LRGUK: variants seen among roughly 807,000 people sequenced by gnomAD.
LRGUK encodes leucine-rich repeat and guanylate kinase domain-containing protein.
Under a neutral mutation model 76.0 loss-of-function variants are expected in LRGUK, and 65 were observed. The ratio of observed to expected loss-of-function variants is 0.85; its 90% CI spans 0.70 to 1.05. LRGUK has a LOEUF of 1.05. Among genes scored for constraint, LRGUK ranks in the 50% least tolerant of loss-of-function variants. The pLI is 0.00. For missense variants in LRGUK, 758 were observed against 732.8 expected (o/e 1.03, Z -0.40); for synonymous variants, 268 against 265.6 (o/e 1.01, Z -0.09).
At chr7:134,274,104 A>C in the LRGUK span, among the ~76,000 whole-genome samples, 1 of 152,210 alleles carries the variant, frequency 6.6e-6, no homozygotes, top group African/African-American at 2.4e-5. Context: ...TTCGTCCACT[A>C]TGGTGGCCAC....
In LRGUK at chr7:134,202,931, G is replaced by A. The variant is rs566213920; in HGVS notation, c.1843+1355G>A. ...TTAAAAATGGTTAAGATGGCCGGGC[G>A]TGGTGGCTCATGCCTCTAATCCCAG... is the stretch of plus-strand genomic sequence containing the variant. On this transcript the variant is annotated intron_variant, in intron 15 of 15. Coordinates refer to ENST00000645682, the Ensembl canonical transcript of LRGUK. Among the ~76,000 whole-genome samples, 180 of 152,284 alleles carry A rather than the reference G, an allele frequency of 1.2e-3. 2 individuals are homozygous for A. Among genetic ancestry groups the A allele is most frequent in the Non-Finnish European group, 7.8e-4 (53 of 68,026 alleles).
chr7:134,158,464 T>C (rs995404687), intron 6 of LRGUK, among the ~76,000 whole-genome samples: 1 of 152,226 alleles, frequency 6.6e-6, no homozygotes, highest in African/African-American at 2.4e-5. Context: ...TTAGTATGTA[T>C]TTAAAAATAT....
At chr7:134,232,620 A>G (rs535863061) in intron 16 of LRGUK, among the ~76,000 whole-genome samples, 6 of 152,304 alleles carry the variant, frequency 3.9e-5, no homozygotes, top group Non-Finnish European at 8.8e-5. Context: ...TTCCTCTAGA[A>G]CCTAAATAAT....
At chr7:134,181,842 A>C (rs1274931224) in intron 10 of LRGUK, among the ~76,000 whole-genome samples, 1 of 152,084 alleles carries the variant, frequency 6.6e-6, no homozygotes, top group Non-Finnish European at 1.5e-5. Flanking sequence ...ACCTTATCGG[A>C]TTTCACCAGT....
At chr7:134,218,274 T>C (rs752023737) in intron 15 of LRGUK, among the ~76,000 whole-genome samples, 8 of 152,224 alleles carry the variant, frequency 5.3e-5, no homozygotes, top group Admixed American at 1.3e-4. Flanking sequence ...TAAGTGATTC[T>C]GAAGTTGTCT....
At chr7:134,195,702 G>A (rs1393244425) in intron 12 of LRGUK, among the ~76,000 whole-genome samples, 1 of 152,064 alleles carries the variant, frequency 6.6e-6, no homozygotes, top group Non-Finnish European at 1.5e-5. Context: ...ACAAGATAAA[G>A]TGTCTATCTG....
chr7:134,185,294 C>G (rs553217382), intron 11 of LRGUK, among the ~76,000 whole-genome samples: 1 of 152,160 alleles, frequency 6.6e-6, no homozygotes, highest in Non-Finnish European at 1.5e-5. Flanking sequence ...AGACTAGTGG[C>G]TCACGCTTCT....
intron 5 of LRGUK, among the ~76,000 whole-genome samples, chr7:134,157,564 C>T (rs542697111): frequency 3.1e-4 from 47 of 152,354 alleles, no homozygotes; most frequent in African/African-American, 1.1e-3. Context: ...GCTCTGTCGC[C>T]CAGGCTGGAG....
At chr7:134,215,609 A>C (rs1801416673) in intron 15 of LRGUK, among the ~76,000 whole-genome samples, 1 of 152,194 alleles carries the variant, frequency 6.6e-6, no homozygotes, top group Non-Finnish European at 1.5e-5. Context: ...GCTTTTAAAA[A>C]AAAAAGGCAC....
chr7:134,168,486 G>A (rs1216107718), intron 7 of LRGUK, among the ~76,000 whole-genome samples: 2 of 152,178 alleles, frequency 1.3e-5, no homozygotes, highest in Admixed American at 1.3e-4. Context: ...CATGGGATGA[G>A]ATTCTGGAAT....
intron 6 of LRGUK, among the ~76,000 whole-genome samples, chr7:134,158,433 C>T (rs1005476578): frequency 5.3e-4 from 80 of 152,082 alleles, no homozygotes; most frequent in African/African-American, 1.9e-3. Context: ...CTTTTTTATA[C>T]TGGGAAAGAA....
intron 1 of LRGUK, among the ~76,000 whole-genome samples, chr7:134,128,110 A>AG (rs908356253): frequency 7.4e-4 from 3 of 4,050 alleles, no homozygotes; most frequent in African/African-American, 3.2e-3. Flanking sequence ...TCCCTCCAGG[A>AG]AAAAAAAAAA....
chr7:134,131,353 C>T (rs746344873), intron 1 of LRGUK, among the ~76,000 whole-genome samples: 1 of 152,068 alleles, frequency 6.6e-6, no homozygotes, highest in African/African-American at 2.4e-5. Flanking sequence ...ATACATGGTC[C>T]CTGCTCTCAA....
At chr7:134,181,739 C>G (rs1799761367) in intron 10 of LRGUK, among the ~76,000 whole-genome samples, 1 of 152,056 alleles carries the variant, frequency 6.6e-6, no homozygotes, top group Non-Finnish European at 1.5e-5. Flanking sequence ...CAGAGAAATT[C>G]CATATACCAG....
chr7:134,271,097 C>T, the LRGUK span, among the ~76,000 whole-genome samples: 1 of 151,918 alleles, frequency 6.6e-6, no homozygotes, highest in Non-Finnish European at 1.5e-5. Context: ...GCTTATTGGC[C>T]ACCTACAGTT....
At chr7:134,264,248 A>ATT in exon 20 of LRGUK, 4 of 288,466 alleles carry the variant, frequency 1.4e-5, no homozygotes, top group East Asian at 6.1e-5. Flanking sequence ...ATGTCATTTC[A>ATT]TTTTTTTTTC....
intron 15 of LRGUK, among the ~76,000 whole-genome samples, chr7:134,217,866 T>G (rs1251968866): frequency 6.6e-6 from 1 of 152,184 alleles, no homozygotes; most frequent in East Asian, 1.9e-4. Flanking sequence ...TTACATCATA[T>G]GTATATATGC....
chr7:134,190,947 G>GAGCAGT (rs1166987204), intron 11 of LRGUK, among the ~76,000 whole-genome samples: 7 of 39,424 alleles, frequency 1.8e-4, no homozygotes, highest in Non-Finnish European at 3.8e-4. Context: ...GTTGAGCGGT[G>GAGCAGT]TGGTGGGATG....
At chr7:134,166,368 T>G (rs1384765973) in intron 7 of LRGUK, among the ~76,000 whole-genome samples, 1 of 152,120 alleles carries the variant, frequency 6.6e-6, no homozygotes, top group African/African-American at 2.4e-5. Flanking sequence ...TCTGTAGTCT[T>G]GTTAGATTTT....
Sources: gnomAD v4.1 joint callset for allele counts (sites outside exome capture counted in the v4.1 genomes callset) on GRCh38, gnomAD v4.1.1 for gene constraint, MANE v1.5 for transcripts, NCBI Gene and HGNC (gene_info 2026-07-23, HGNC 2026-07-21) for gene names.